Variants in NCALD observed in about 807,000 individuals in gnomAD.
The protein encoded by NCALD is neurocalcin delta, also known as neurocalcin-delta.
Under a neutral mutation model 18.6 loss-of-function variants are expected in NCALD, and 10 were observed. That is an observed-to-expected ratio of 0.54 (90% confidence interval 0.33 to 0.91). NCALD has a LOEUF of 0.91. Among genes scored for constraint, NCALD ranks in the 40% least tolerant of loss-of-function variants. The pLI, the probability that NCALD is intolerant of heterozygous loss-of-function variation, is 0.03. For synonymous variants in NCALD, 88 were observed against 87.4 expected, an observed-to-expected ratio of 1.01 and a Z score of -0.04; for missense variants, 184 against 247.6, an observed-to-expected ratio of 0.74 and a Z score of 1.72.
intron 1 of NCALD, among the ~76,000 whole-genome samples, chr8:102,055,263 AAAAG>A (rs1586989753): frequency 1.4e-5 from 2 of 144,864 alleles, no homozygotes; most frequent in Admixed American, 6.8e-5. Context: ...AAAAAAAAAA[AAAAG>A]AAGAAGAAGC....
intron 1 of NCALD, among the ~76,000 whole-genome samples, chr8:102,032,319 G>C (rs554754667): frequency 6.6e-6 from 1 of 152,150 alleles, no homozygotes; most frequent in East Asian, 1.9e-4. Context: ...GCTTCAAAAG[G>C]AGTTCCCTGT....
intron 2 of NCALD, among the ~76,000 whole-genome samples, chr8:101,962,917 A>C (rs1563936865): frequency 6.6e-6 from 1 of 152,080 alleles, no homozygotes; most frequent in African/African-American, 2.4e-5. Context: ...GGGCAGGTTA[A>C]AAACAAACAA....
chr8:102,083,935 G>A (rs886334220), intron 1 of NCALD, among the ~76,000 whole-genome samples: 1 of 152,164 alleles, frequency 6.6e-6, no homozygotes, highest in Non-Finnish European at 1.5e-5. Context: ...ACCAGGCACT[G>A]GGTATGTAAC....
chr8:101,700,852 C>T (rs974080638), intron 2 of NCALD, among the ~76,000 whole-genome samples: 3 of 152,088 alleles, frequency 2.0e-5, no homozygotes, highest in African/African-American at 7.2e-5. Flanking sequence ...GAACGGCGTC[C>T]GAAGTCCCCG....
chr8:101,767,613 C>T (rs1192694099), intron 1 of NCALD, among the ~76,000 whole-genome samples: 1 of 152,238 alleles, frequency 6.6e-6, no homozygotes, highest in African/African-American at 2.4e-5. Context: ...GGACTTCTCT[C>T]CTCTGGACCC....
At chr8:102,080,555 T>C (rs1824493448) in intron 1 of NCALD, among the ~76,000 whole-genome samples, 2 of 152,174 alleles carry the variant, frequency 1.3e-5, no homozygotes, top group Non-Finnish European at 2.9e-5. Context: ...AGGAGCTGGT[T>C]AGGGAGAAGG....
chr8:101,694,765 A>G (rs1042599971), intron 2 of NCALD, among the ~76,000 whole-genome samples: 1 of 152,060 alleles, frequency 6.6e-6, no homozygotes, highest in African/African-American at 2.4e-5. Context: ...TGCTCCACCA[A>G]CTGTGCTGGG....
intron 4 of NCALD, among the ~76,000 whole-genome samples, chr8:101,837,491 G>A (rs1231986872): frequency 6.6e-6 from 1 of 152,156 alleles, no homozygotes; most frequent in Admixed American, 6.5e-5. Context: ...AAAGCTCCAA[G>A]TAGAAACTTC....
intron 1 of NCALD, chr8:102,070,187 T>C (rs1463875392): frequency 6.6e-6 from 1 of 152,156 alleles, no homozygotes; most frequent in Non-Finnish European, 1.5e-5. Flanking sequence ...TTACTATTTC[T>C]AGATGGTAGG....
chr8:102,001,331 G>T (rs1317532042), intron 2 of NCALD, among the ~76,000 whole-genome samples: 1 of 152,152 alleles, frequency 6.6e-6, no homozygotes, highest in East Asian at 1.9e-4. Flanking sequence ...AGAGAAAAAA[G>T]AATAAAAAGA....
intron 1 of NCALD, among the ~76,000 whole-genome samples, chr8:101,759,559 T>C (rs1007221533): frequency 4.6e-5 from 7 of 152,206 alleles, no homozygotes; most frequent in Non-Finnish European, 1.0e-4. Context: ...CCCAGGGACC[T>C]GCCTGCTGTC....
chr8:101,765,072 T>G (rs1811290188), intron 1 of NCALD, among the ~76,000 whole-genome samples: 1 of 152,226 alleles, frequency 6.6e-6, no homozygotes, highest in Non-Finnish European at 1.5e-5. Flanking sequence ...TAGAGCAGTA[T>G]GCAAAGAGAT....
At chr8:101,931,791 T>C (rs1818584209) in intron 2 of NCALD, among the ~76,000 whole-genome samples, 1 of 152,338 alleles carries the variant, frequency 6.6e-6, no homozygotes, top group Non-Finnish European at 1.5e-5. Flanking sequence ...TTATCTCTTT[T>C]ATTTCACAAA....
At chr8:101,836,932 T>C (rs1236899401) in intron 4 of NCALD, among the ~76,000 whole-genome samples, 1 of 152,216 alleles carries the variant, frequency 6.6e-6, no homozygotes, top group Non-Finnish European at 1.5e-5. Flanking sequence ...AAATAAGTAT[T>C]AGTTAAGTTG....
chr8:101,906,979 A>C (rs1817630914), intron 3 of NCALD, among the ~76,000 whole-genome samples: 1 of 152,226 alleles, frequency 6.6e-6, no homozygotes, highest in East Asian at 1.9e-4. Context: ...TTTAATTAAG[A>C]CAGATTCGCT....
chr8:101,939,898 G>T (rs1234224740), intron 2 of NCALD, among the ~76,000 whole-genome samples: 1 of 152,210 alleles, frequency 6.6e-6, no homozygotes, highest in Non-Finnish European at 1.5e-5. Flanking sequence ...CAGACAGCTA[G>T]TAAGTGGCCA....
chr8:101,758,603 A>C (rs1232917651), intron 1 of NCALD, among the ~76,000 whole-genome samples: 1 of 152,112 alleles, frequency 6.6e-6, no homozygotes, highest in African/African-American at 2.4e-5. Flanking sequence ...AGGTGCTCTT[A>C]CTCACCACAT....
intron 2 of NCALD, among the ~76,000 whole-genome samples, chr8:102,001,672 G>T (rs1395494031): frequency 2.0e-5 from 3 of 152,182 alleles, no homozygotes; most frequent in Non-Finnish European, 4.4e-5. Context: ...ACTAACAGCT[G>T]ATCTCTCAGC....
chr8:101,928,771 CTTTAG>C (rs930486167), intron 2 of NCALD, among the ~76,000 whole-genome samples: 6 of 152,018 alleles, frequency 3.9e-5, no homozygotes, highest in Non-Finnish European at 5.9e-5. Flanking sequence ...TCTAGTTGTT[CTTTAG>C]TTTAGATTGA....
Sources: allele counts gnomAD v4.1 joint callset (sites outside exome capture counted in the v4.1 genomes callset), GRCh38; gene constraint gnomAD v4.1.1; transcripts MANE v1.5; gene names NCBI Gene and HGNC (gene_info 2026-07-23, HGNC 2026-07-21).